FER1L6: variants seen among roughly 807,000 people sequenced by gnomAD.
The protein encoded by FER1L6 is fer-1 like family member 6, also known as fer-1-like protein 6.
Under a neutral mutation model 219.2 loss-of-function variants are expected in FER1L6, and 177 were observed. The ratio of observed to expected loss-of-function variants is 0.81; its 90% confidence interval spans 0.71 to 0.91. The LOEUF is 0.91. Ranked by LOEUF, FER1L6 falls within the 40% of genes least tolerant of loss-of-function variation. The pLI is 0.00. For missense variants in FER1L6, 2,153 were observed against 2,259.9 expected (o/e 0.95, Z 0.96); for synonymous variants, 768 against 824.3 (o/e 0.93, Z 1.17).
chr8:123,865,334 C>T (rs1353333172), intron 1 of FER1L6, among the ~76,000 whole-genome samples: 1 of 149,736 alleles, frequency 6.7e-6, no homozygotes, highest in East Asian at 1.9e-4. Context: ...GGCAGTCTGC[C>T]CGTTCTCAGA....
intron 12 of FER1L6, among the ~76,000 whole-genome samples, chr8:123,995,949 T>G (rs1817112322): frequency 2.6e-5 from 4 of 152,186 alleles, no homozygotes. Context: ...ATTGTTTATA[T>G]GTGCTCATAT....
chr8:124,056,426 C>CCAT (rs1820301014), intron 22 of FER1L6, among the ~76,000 whole-genome samples: 1 of 152,206 alleles, frequency 6.6e-6, no homozygotes, highest in South Asian at 2.1e-4. Context: ...CTTTCTCTTA[C>CCAT]CATCATGTGA....
Position 123,875,959 on chromosome 8 carries a change from A to G in FER1L6, c.-8+23774A>G, listed in dbSNP as rs376896525. ...ACTCCTGTTTCATACCTTCTCCTCTATAGTATTCTCCCATCAGAATTCAGA... is the reference window on the plus strand; with the variant it reads ...ACTCCTGTTTCATACCTTCTCCTCTGTAGTATTCTCCCATCAGAATTCAGA... On this transcript the variant is annotated intron_variant, in intron 1 of 40. Coordinates refer to ENST00000522917, the MANE Select transcript of FER1L6 (RefSeq NM_001039112.2). Among the ~76,000 whole-genome samples, 4 of 152,116 alleles carry G rather than the reference A, an allele frequency of 2.6e-5. No individual in the cohort carries two copies. In the East Asian group the frequency reaches 7.7e-4, roughly 29 times the overall value.
At chr8:123,914,319 T>C (rs1441451589) in intron 1 of FER1L6, among the ~76,000 whole-genome samples, 1 of 152,186 alleles carries the variant, frequency 6.6e-6, no homozygotes, top group Non-Finnish European at 1.5e-5. Context: ...TAGAAGAATA[T>C]GAGATTGAGC....
At chr8:123,914,010 T>C (rs190027948) in intron 1 of FER1L6, among the ~76,000 whole-genome samples, 2 of 152,346 alleles carry the variant, frequency 1.3e-5, no homozygotes, top group East Asian at 1.9e-4. Flanking sequence ...TGGGTCCTTT[T>C]TAGGGTTAAC....
At chr8:124,080,351 CTT>C (rs1289752034) in intron 32 of FER1L6, among the ~76,000 whole-genome samples, 1 of 151,810 alleles carries the variant, frequency 6.6e-6, no homozygotes, top group Admixed American at 6.6e-5. Context: ...GAGTTTTGCT[CTT>C]GTCGCCCAGG....
At chr8:123,925,504 A>C (rs910786003) in intron 1 of FER1L6, among the ~76,000 whole-genome samples, 1 of 152,220 alleles carries the variant, frequency 6.6e-6, no homozygotes, top group Non-Finnish European at 1.5e-5. Context: ...GATGCTAGGA[A>C]AGGCAATTTT....
intron 21 of FER1L6, 193 bp downstream of exon 21, chr8:124,046,094 TAA>T (rs1472821528): frequency 9.2e-6 from 5 of 546,086 alleles, no homozygotes; most frequent in Non-Finnish European, 1.5e-5. Context: ...TTTGCTTTAC[TAA>T]AAGAGTTTTT....
chr8:123,866,702 C>A (rs114006097), intron 1 of FER1L6, among the ~76,000 whole-genome samples: 3,669 of 152,246 alleles, frequency 0.024, 138 homozygotes, highest in African/African-American at 0.083. Flanking sequence ...ACTGCAGCCT[C>A]AAACTCTTGA....
intron 1 of FER1L6, among the ~76,000 whole-genome samples, chr8:123,922,378 A>G (rs1219241245): frequency 6.6e-6 from 1 of 152,234 alleles, no homozygotes; most frequent in Non-Finnish European, 1.5e-5. Flanking sequence ...CAGGAAAAAG[A>G]AAAACCTCCG....
chr8:123,868,208 C>T (rs143739915), intron 1 of FER1L6, among the ~76,000 whole-genome samples: 37 of 152,144 alleles, frequency 2.4e-4, no homozygotes, highest in East Asian at 1.4e-3. Context: ...TTCAAACAGG[C>T]GAGTAGGCTA....
Position 123,963,403 on chromosome 8 carries a change from A to G in FER1L6, c.197+5A>G. On this transcript the variant is annotated splice_donor_5th_base_variant and intron_variant, in intron 3 of 40. Coordinates refer to ENST00000522917, the MANE Select transcript of FER1L6 (RefSeq NM_001039112.2). Reference sequence around the variant, plus strand: ...CTCAGCTTCTCCAAAGAGAAGGTACAGTATGGATGCAGGTGGTCAACACAC... The same window carrying G: ...CTCAGCTTCTCCAAAGAGAAGGTACGGTATGGATGCAGGTGGTCAACACAC... The G allele has an allele frequency of 6.2e-7, 1 of 1,613,916 alleles. No homozygotes were observed.
intron 1 of FER1L6, among the ~76,000 whole-genome samples, chr8:123,945,458 C>A (rs923360823): frequency 6.6e-6 from 1 of 152,212 alleles, no homozygotes; most frequent in Non-Finnish European, 1.5e-5. Context: ...TTTTATAAAG[C>A]CTCTCCAAAA....
At chr8:124,035,675 T>C (rs1261669864) in intron 19 of FER1L6, among the ~76,000 whole-genome samples, 1 of 152,260 alleles carries the variant, frequency 6.6e-6, no homozygotes, top group South Asian at 2.1e-4. Context: ...AACACTTATG[T>C]TTCTCTGTTA....
intron 3 of FER1L6, among the ~76,000 whole-genome samples, chr8:123,963,865 G>A (rs1020593000): frequency 1.3e-5 from 2 of 152,230 alleles, no homozygotes; most frequent in Non-Finnish European, 2.9e-5. Context: ...CCCCAGATCT[G>A]TGGCTTAATA....
intron 22 of FER1L6, among the ~76,000 whole-genome samples, chr8:124,055,088 G>T (rs906105778): frequency 1.3e-5 from 2 of 152,108 alleles, no homozygotes; most frequent in East Asian, 1.9e-4. Context: ...GACATGTGAG[G>T]TTTATCTCCA....
At chr8:124,000,662 A>G (rs1394139025) in intron 12 of FER1L6, among the ~76,000 whole-genome samples, 1 of 152,230 alleles carries the variant, frequency 6.6e-6, no homozygotes, top group Non-Finnish European at 1.5e-5. Context: ...CCATGCATAC[A>G]GTAGATGTTA....
At chr8:123,881,193 A>G (rs1817102844) in intron 1 of FER1L6, among the ~76,000 whole-genome samples, 1 of 152,228 alleles carries the variant, frequency 6.6e-6, no homozygotes, top group Non-Finnish European at 1.5e-5. Context: ...CATAAAATAC[A>G]TTAACATTTC....
At chr8:123,929,782 G>A (rs1813698724) in intron 1 of FER1L6, among the ~76,000 whole-genome samples, 1 of 152,126 alleles carries the variant, frequency 6.6e-6, no homozygotes, top group African/African-American at 2.4e-5. Context: ...GGGGAGAGAG[G>A]AAGCACATGA....
Sources: allele counts gnomAD v4.1 joint callset (sites outside exome capture counted in the v4.1 genomes callset), GRCh38; gene constraint gnomAD v4.1.1; transcripts MANE v1.5; gene names NCBI Gene and HGNC (gene_info 2026-07-23, HGNC 2026-07-21).